CRACDL: variants seen among roughly 807,000 people sequenced by gnomAD.
CRACDL encodes CRACD like.
A neutral mutation model predicts 70.6 loss-of-function variants in CRACDL; 26 were observed. The ratio of observed to expected loss-of-function variants is 0.37; its 90% confidence interval spans 0.27 to 0.51. The LOEUF (loss-of-function observed/expected upper bound fraction) is 0.51. Ranked by LOEUF, CRACDL falls within the 20% of genes least tolerant of loss-of-function variation. The pLI is 0.94. For missense variants in CRACDL, 1,283 were observed against 1,376.9 expected, an observed-to-expected ratio of 0.93 and a Z score of 1.08; for synonymous variants, 618 against 615.2, an observed-to-expected ratio of 1.00 and a Z score of -0.07.
At chr2:98,825,467 C>G (rs1705263224) in intron 6 of CRACDL, among the ~76,000 whole-genome samples, 1 of 152,254 alleles carries the variant, frequency 6.6e-6, no homozygotes. Context: ...AGAAGGGAGG[C>G]TGTGTTTCCA....
chr2:98,832,702 G>A (rs1253946919), intron 4 of CRACDL, among the ~76,000 whole-genome samples, 160 bp downstream of exon 4: 1 of 152,084 alleles, frequency 6.6e-6, no homozygotes, highest in African/African-American at 2.4e-5. Flanking sequence ...AGAATGAGTC[G>A]AGATCCCACT....
At chr2:98,889,249 GAA>G (rs1707887617) in intron 1 of CRACDL, among the ~76,000 whole-genome samples, 1 of 148,916 alleles carries the variant, frequency 6.7e-6, no homozygotes, top group African/African-American at 2.5e-5. Flanking sequence ...AAGAAAGAGA[GAA>G]AGAGAAAAAG....
chr2:98,838,399 A>T (rs1370292745), intron 2 of CRACDL, 112 bp from the exon 3 acceptor site: 1 of 592,644 alleles, frequency 1.7e-6, no homozygotes, highest in Non-Finnish European at 2.8e-6. Context: ...TCCATGCATC[A>T]GTTATCTGCT....
Position 98,932,137 on chromosome 2 carries a change from C to T in CRACDL, c.-11+3801G>A, listed in dbSNP as rs368985732. 7.2e-5 allele frequency among the ~76,000 whole-genome samples: 11 copies of T among 152,306 alleles called. No individual in the cohort carries two copies. The East Asian group carries it at 9.7e-4, about 13-fold the overall frequency. On this transcript the variant is annotated intron_variant, in intron 1 of 9. Transcript: ENST00000397899. ...TTTGAACGCTGGCTGTCTGTGTTGT[C>T]CTACCCACAGGTGACACCAGCAGTA...
At chr2:98,878,426 C>T (rs1381667726) in intron 1 of CRACDL, among the ~76,000 whole-genome samples, 1 of 152,130 alleles carries the variant, frequency 6.6e-6, no homozygotes, top group East Asian at 1.9e-4. Context: ...TCAGGTTTGT[C>T]GTCTAGAAGA....
chr2:98,853,008 G>A (rs1262984743), intron 1 of CRACDL, among the ~76,000 whole-genome samples: 2 of 124,528 alleles, frequency 1.6e-5, no homozygotes, highest in African/African-American at 6.0e-5. Context: ...GAGGGGAGGG[G>A]AGGGGAGGGG....
intron 7 of CRACDL, among the ~76,000 whole-genome samples, chr2:98,810,312 A>T (rs766779257): frequency 6.6e-6 from 1 of 152,180 alleles, no homozygotes; most frequent in Non-Finnish European, 1.5e-5. Context: ...AGAGAGGCAG[A>T]AATGTTTGTT....
At chr2:98,908,682 C>A (rs1298593061) in intron 1 of CRACDL, among the ~76,000 whole-genome samples, 1 of 152,228 alleles carries the variant, frequency 6.6e-6, no homozygotes, top group Admixed American at 6.5e-5. Context: ...GGACAACAGA[C>A]CAAGGCTCGG....
intron 5 of CRACDL, among the ~76,000 whole-genome samples, chr2:98,827,400 T>A (rs1016347476): frequency 2.0e-5 from 3 of 152,108 alleles, no homozygotes; most frequent in African/African-American, 7.2e-5. Context: ...CCACCTGAGT[T>A]CAATCATTCT....
intron 5 of CRACDL, among the ~76,000 whole-genome samples, chr2:98,830,526 T>C (rs1705497195): frequency 1.3e-5 from 2 of 152,228 alleles, no homozygotes; most frequent in East Asian, 1.9e-4. Flanking sequence ...ATAAAAACTT[T>C]CAGGCCTCAA....
At chr2:98,878,665 A>G (rs1707553645) in intron 1 of CRACDL, among the ~76,000 whole-genome samples, 2 of 152,234 alleles carry the variant, frequency 1.3e-5, no homozygotes, top group African/African-American at 4.8e-5. Flanking sequence ...CATATGAAAC[A>G]GGTACAGGAG....
At chr2:98,867,234 T>C (rs1223392867) in intron 1 of CRACDL, among the ~76,000 whole-genome samples, 1 of 152,242 alleles carries the variant, frequency 6.6e-6, no homozygotes, top group African/African-American at 2.4e-5. Context: ...ACACTATTTT[T>C]TAGAAACTAC....
At chr2:98,885,267 G>A (rs116789861) in intron 1 of CRACDL, among the ~76,000 whole-genome samples, 436 of 152,234 alleles carry the variant, frequency 2.9e-3, no homozygotes, top group African/African-American at 9.5e-3. Context: ...ATATGGGATC[G>A]GAACTCCTGA....
chr2:98,859,565 T>C (rs1706851187), intron 1 of CRACDL, among the ~76,000 whole-genome samples: 1 of 152,234 alleles, frequency 6.6e-6, no homozygotes, highest in Non-Finnish European at 1.5e-5. Context: ...ATTACATTAT[T>C]ATCTCAGTAG....
chr2:98,890,192 A>G (rs1707924736), intron 1 of CRACDL, among the ~76,000 whole-genome samples: 1 of 152,154 alleles, frequency 6.6e-6, no homozygotes, highest in South Asian at 2.1e-4. Context: ...GTAGAAAAAC[A>G]AAGAAAACTA....
chr2:98,904,056 C>T (rs1437389853), intron 1 of CRACDL, among the ~76,000 whole-genome samples: 2 of 152,152 alleles, frequency 1.3e-5, no homozygotes, highest in Non-Finnish European at 2.9e-5. Flanking sequence ...CAGGTGTCAT[C>T]GATACTTGGA....
In CRACDL at chr2:98,856,059, T is replaced by C. The variant is rs560832362; in HGVS notation, c.-10-9249A>G. ...AGAAAAATGTAGAAAAATGATTCTCTGAAATAATAGCCAAAAACTTTCTAA... is the reference window on the plus strand; with the variant it reads ...AGAAAAATGTAGAAAAATGATTCTCCGAAATAATAGCCAAAAACTTTCTAA... On this transcript the variant is annotated intron_variant, in intron 1 of 9. Coordinates refer to ENST00000397899, the MANE Select transcript of CRACDL (RefSeq NM_207362.3). 3.3e-5 allele frequency among the ~76,000 whole-genome samples: 5 copies of C among 152,280 alleles called. No homozygotes were observed. The East Asian group carries it at 9.6e-4, about 29-fold the overall frequency.
In CRACDL at chr2:98,878,578, T is replaced by C. The variant is rs935800610; in HGVS notation, c.-10-31768A>G. Among the ~76,000 whole-genome samples the C allele has an allele frequency of 7.2e-5, 11 of 152,250 alleles. No homozygotes were observed. The South Asian group carries it at 8.3e-4, about 11-fold the overall frequency. The stretch of plus-strand genomic sequence containing the variant: ...CCTGCTATTAAGTGATCCATGACTG[T>C]ATTTTACTTTTGAAAAATAAAAGTC... On this transcript the variant is annotated intron_variant, in intron 1 of 9. Transcript: ENST00000397899.
At position 98,823,266 on chromosome 2, in the gene CRACDL, G is replaced by A. The variant is rs1217929114; in HGVS notation, c.1007C>T (p.Pro336Leu). The A allele has an allele frequency of 2.1e-6, 3 of 1,405,938 alleles. No homozygotes were observed. Among genetic ancestry groups the A allele is most frequent in the East Asian group, 2.9e-5 (1 of 34,662 alleles). 87.1% of individuals were successfully genotyped at this position (1,405,938 alleles called of 1,614,324 possible). A position where few individuals can be genotyped will look rare whatever the true frequency, so the allele number is the denominator to read the frequency against. ...GGGCTCGGCGAGCTCCGGGGTGGCC[G>A]GGCGGCTTGAGGGGTCCTCCCCGGG... ...GVPGEDPSSR[P>L]ATPELAEPES... Residue 336 changes from proline to leucine, a missense_variant, in exon 7 of 10, where the codon CCG becomes CTG. Transcript: ENST00000397899. This position sits in a 1 kb window ranked among gnomAD's most constrained non-coding sequence, Gnocchi z 4.0.
Sources: allele counts gnomAD v4.1 joint callset (sites outside exome capture counted in the v4.1 genomes callset), GRCh38; gene constraint gnomAD v4.1.1; non-coding constraint Gnocchi (gnomAD v3.1); transcripts MANE v1.5; gene names NCBI Gene and HGNC (gene_info 2026-07-23, HGNC 2026-07-21).